GPHN: variants seen among roughly 807,000 people sequenced by gnomAD.
GPHN encodes the protein gephyrin.
A neutral mutation model predicts 95.5 loss-of-function variants in GPHN; 17 were observed. That is an observed-to-expected ratio of 0.18 (90% CI 0.12 to 0.27). GPHN has a LOEUF of 0.27. GPHN is among the 10% of genes least tolerant of loss of function. GPHN has a pLI of 1.00. For synonymous variants in GPHN, 320 were observed against 322.5 expected, an observed-to-expected ratio of 0.99 and a Z score of 0.08; for missense variants, 660 against 978.1, an observed-to-expected ratio of 0.67 and a Z score of 4.34.
At chr14:67,051,131 G>GTA (rs1468373625) in intron 10 of GPHN, among the ~76,000 whole-genome samples, 7 of 147,402 alleles carry the variant, frequency 4.7e-5, no homozygotes, top group African/African-American at 7.3e-5. Flanking sequence ...CCTGCTGCCA[G>GTA]AGATGACTGA....
chr14:67,071,128 A>G (rs2076288305), intron 11 of GPHN, among the ~76,000 whole-genome samples: 1 of 151,290 alleles, frequency 6.6e-6, no homozygotes, highest in Non-Finnish European at 1.5e-5. Context: ...CCATCCCATT[A>G]CTGGGCATAT....
intron 4 of GPHN, among the ~76,000 whole-genome samples, chr14:66,827,054 C>A (rs949926142): frequency 6.6e-6 from 1 of 152,000 alleles, no homozygotes; most frequent in African/African-American, 2.4e-5. Context: ...GAGGCCCAGG[C>A]GGGTGGATCA....
the GPHN span, chr14:67,651,534 C>CT: frequency 4.0e-5 from 64 of 1,597,228 alleles, no homozygotes; most frequent in Middle Eastern, 6.7e-4. Flanking sequence ...AACCTTCCTT[C>CT]TAAACATTTT....
At chr14:66,975,153 A>G (rs780789567) in intron 9 of GPHN, among the ~76,000 whole-genome samples, 3 of 152,118 alleles carry the variant, frequency 2.0e-5, no homozygotes, top group Non-Finnish European at 4.4e-5. Context: ...TGGATTTTTG[A>G]TATTCTAATT....
chr14:66,953,862 G>A (rs1055312420), intron 8 of GPHN, among the ~76,000 whole-genome samples: 7 of 151,988 alleles, frequency 4.6e-5, no homozygotes, highest in South Asian at 2.1e-4. Flanking sequence ...GTGAAACCCC[G>A]TCCCTACTAA....
intron 1 of GPHN, among the ~76,000 whole-genome samples, chr14:66,606,068 A>C (rs971908568): frequency 5.7e-4 from 87 of 152,094 alleles, no homozygotes; most frequent in African/African-American, 2.1e-3. Context: ...TTCTTTGCCA[A>C]ACCTGATGTC....
intron 4 of GPHN, among the ~76,000 whole-genome samples, chr14:66,834,741 C>T (rs1184472419): frequency 1.3e-5 from 2 of 151,332 alleles, no homozygotes; most frequent in East Asian, 3.9e-4. Context: ...CTCTGCCCGG[C>T]TTTGGTATCA....
the GPHN span, chr14:67,395,476 T>C: frequency 6.2e-7 from 1 of 1,614,050 alleles, no homozygotes; most frequent in Non-Finnish European, 8.5e-7. Flanking sequence ...CCGGCTGCCC[T>C]GCATGAATAG....
At chr14:67,056,421 G>T (rs950369831) in intron 10 of GPHN, among the ~76,000 whole-genome samples, 8 of 152,048 alleles carry the variant, frequency 5.3e-5, no homozygotes, top group Non-Finnish European at 1.2e-4. Flanking sequence ...TAGACACAGA[G>T]TGCTGATTGG....
intron 2 of GPHN, among the ~76,000 whole-genome samples, chr14:66,755,336 C>T (rs1355880057): frequency 1.3e-5 from 2 of 152,028 alleles, no homozygotes; most frequent in Non-Finnish European, 2.9e-5. Context: ...TTAAATGAAG[C>T]TTGCTGTTAC....
the GPHN span, among the ~76,000 whole-genome samples, chr14:67,212,393 G>T: frequency 9.4e-3 from 1,429 of 151,676 alleles, 17 homozygotes; most frequent in African/African-American, 0.028. Flanking sequence ...TTCGAGACCA[G>T]CCTGGGCAAC....
Position 66,965,467 on chromosome 14 carries a change from A to T in GPHN, c.963+142A>T, listed in dbSNP as rs888504621. ...ATGAATAAAGTGTAAGATAGTTCCC[A>T]CCCATTGTGTCACAAATTGTCATAT... On this transcript the variant is annotated intron_variant, in intron 9 of 22. Coordinates refer to ENST00000478722, the MANE Select transcript of GPHN (RefSeq NM_020806.5). 3.8e-6 allele frequency: 3 copies of T among 798,310 alleles called. No homozygotes were observed. In the South Asian group the frequency reaches 4.5e-5, roughly 12 times the overall value. 49.5% of individuals were successfully genotyped at this position (798,310 alleles called of 1,614,324 possible).
intron 4 of GPHN, among the ~76,000 whole-genome samples, chr14:66,828,303 C>T (rs1398719802): frequency 1.3e-5 from 2 of 152,004 alleles, no homozygotes; most frequent in Non-Finnish European, 2.9e-5. Context: ...TACTTTACAT[C>T]GTAGAGTAGT....
At chr14:67,045,923 A>G (rs1034022680) in intron 10 of GPHN, among the ~76,000 whole-genome samples, 2 of 152,072 alleles carry the variant, frequency 1.3e-5, no homozygotes, top group African/African-American at 4.8e-5. Context: ...TAGAAACCCC[A>G]GATTTGATCT....
chr14:66,686,524 A>T (rs923567786), intron 2 of GPHN, among the ~76,000 whole-genome samples: 2 of 152,082 alleles, frequency 1.3e-5, no homozygotes, highest in Non-Finnish European at 2.9e-5. Flanking sequence ...TGTGAATGGG[A>T]GTTCACTCAT....
At chr14:67,356,873 G>T in the GPHN span, among the ~76,000 whole-genome samples, 2 of 152,316 alleles carry the variant, frequency 1.3e-5, no homozygotes, top group South Asian at 4.1e-4. Context: ...ATTGTTGATA[G>T]TAAATACTAG....
intron 5 of GPHN, among the ~76,000 whole-genome samples, chr14:66,913,751 A>G (rs1272603735): frequency 6.6e-6 from 1 of 152,158 alleles, no homozygotes; most frequent in Non-Finnish European, 1.5e-5. Context: ...AAACTTCTTA[A>G]GCATTTGGGT....
the GPHN span, chr14:67,352,692 G>A: frequency 6.7e-4 from 271 of 403,682 alleles, no homozygotes; most frequent in African/African-American, 5.2e-3. Context: ...AATAAGGTAA[G>A]AGAGGCAGGC....
intron 11 of GPHN, among the ~76,000 whole-genome samples, chr14:67,079,811 A>T (rs551751763): frequency 1.6e-3 from 244 of 152,048 alleles, no homozygotes; most frequent in Non-Finnish European, 2.0e-3. Flanking sequence ...TATTAATTTG[A>T]CTACTTTAAT....
Sources: gnomAD v4.1 joint callset for allele counts (sites outside exome capture counted in the v4.1 genomes callset) on GRCh38, gnomAD v4.1.1 for gene constraint, MANE v1.5 for transcripts, NCBI Gene and HGNC (gene_info 2026-07-23, HGNC 2026-07-21) for gene names.